The following CWC27 variants were observed in gnomAD, a reference collection of about 807,000 sequenced individuals.
CWC27 encodes CWC27 spliceosome associated cyclophilin.
In CWC27, 47 loss-of-function variants were observed where a neutral mutation model predicts 63.6. The observed-to-expected ratio is 0.74, with a 90% CI of 0.58 to 0.94. CWC27 has a LOEUF of 0.94. Among genes scored for constraint, CWC27 ranks in the 40% least tolerant of loss-of-function variants. The pLI is 0.00. For missense variants in CWC27, 495 were observed against 554.3 expected (o/e 0.89, Z 1.07); for synonymous variants, 175 against 179.8 (o/e 0.97, Z 0.22).
At chr5:64,915,163 G>T (rs1747866314) in intron 11 of CWC27, among the ~76,000 whole-genome samples, 1 of 151,994 alleles carries the variant, frequency 6.6e-6, no homozygotes, top group Admixed American at 6.6e-5. Flanking sequence ...AAGAAAGTTT[G>T]TTTTTTTCCT....
chr5:64,936,148 T>C (rs1748348072), intron 11 of CWC27, among the ~76,000 whole-genome samples: 1 of 152,192 alleles, frequency 6.6e-6, no homozygotes, highest in Non-Finnish European at 1.5e-5. Flanking sequence ...TGAATAGGAA[T>C]GATGAGAGAG....
chr5:64,978,537 A>G (rs1224834291), intron 13 of CWC27, among the ~76,000 whole-genome samples: 1 of 151,826 alleles, frequency 6.6e-6, no homozygotes, highest in Non-Finnish European at 1.5e-5. Context: ...AGTTAAATGC[A>G]CATTGTATAG....
Position 64,780,020 on chromosome 5 carries a change from T to C in CWC27, c.140-1901T>C, listed in dbSNP as rs141963921. Among the ~76,000 whole-genome samples, 347 of 152,252 alleles carry C rather than the reference T, an allele frequency of 2.3e-3. 2 individuals are homozygous for C. Among genetic ancestry groups the C allele is most frequent in the Non-Finnish European group, 4.2e-3 (289 of 68,002 alleles). On this transcript the variant is annotated intron_variant, in intron 2 of 13. Transcript: ENST00000381070. ...CCTCTTTCCTTTATGAATTATCCAG[T>C]CTTGGGTATTTCTTCATAGCAGTGT...
At chr5:64,787,938 T>C (rs2112176027) in intron 6 of CWC27, among the ~76,000 whole-genome samples, 1 of 152,244 alleles carries the variant, frequency 6.6e-6, no homozygotes, top group African/African-American at 2.4e-5. Flanking sequence ...TGAGAAGAGG[T>C]ATGTTAAAAC....
intron 11 of CWC27, among the ~76,000 whole-genome samples, chr5:64,931,178 T>C (rs1169002453): frequency 6.6e-6 from 1 of 152,116 alleles, no homozygotes; most frequent in Non-Finnish European, 1.5e-5. Context: ...ATACTATAGT[T>C]ACTTAAGAGA....
intron 13 of CWC27, among the ~76,000 whole-genome samples, chr5:64,998,215 T>C (rs545266159): frequency 2.0e-5 from 3 of 152,170 alleles, no homozygotes; most frequent in Non-Finnish European, 2.9e-5. Flanking sequence ...TTGAGAGAGA[T>C]AGGGAGACAG....
chr5:64,908,231 T>C (rs566803156), intron 11 of CWC27, among the ~76,000 whole-genome samples: 1 of 152,234 alleles, frequency 6.6e-6, no homozygotes, highest in Non-Finnish European at 1.5e-5. Flanking sequence ...CTAATTTGAT[T>C]GCACTGTGGT....
intron 11 of CWC27, among the ~76,000 whole-genome samples, chr5:64,893,929 CTT>C (rs10548975): frequency 0.37 from 52,910 of 143,502 alleles, 10,105 homozygotes; most frequent in East Asian, 0.52. Flanking sequence ...CCAATCCCTC[CTT>C]TTTTTTTTTT....
At chr5:64,981,040 C>T (rs1442651124) in intron 13 of CWC27, among the ~76,000 whole-genome samples, 3 of 151,910 alleles carry the variant, frequency 2.0e-5, no homozygotes, top group Non-Finnish European at 4.4e-5. Context: ...TGCAGTGAGC[C>T]GAGCTCATGC....
In CWC27 at chr5:64,783,981, T is replaced by A; in HGVS notation, c.396+2T>A. 6.4e-7 allele frequency: 1 copy of A among 1,568,334 alleles called. No individual in the cohort carries two copies. The highest frequency in any genetic ancestry group is 8.6e-7 in the Non-Finnish European group (1 of 1,160,294). On this transcript the variant is annotated splice_donor_variant, in intron 4 of 13. Transcript: ENST00000381070. LOFTEE classifies it high-confidence loss of function. ...AATAAGCATACCATCTTTGGAAAGG[T>A]TAGTGTCCAGTGATTTTAAACCTGT...
intron 11 of CWC27, among the ~76,000 whole-genome samples, chr5:64,949,876 C>A (rs976808719): frequency 1.3e-5 from 2 of 151,960 alleles, no homozygotes; most frequent in Non-Finnish European, 2.9e-5. Flanking sequence ...TCAAACTTTT[C>A]TGCACATTAG....
intron 11 of CWC27, among the ~76,000 whole-genome samples, chr5:64,937,989 T>G (rs936942040): frequency 4.7e-5 from 7 of 148,132 alleles, no homozygotes; most frequent in Non-Finnish European, 3.0e-5. Flanking sequence ...ATTTTGAGCC[T>G]ATGTGTGTCT....
chr5:64,997,826 T>C (rs1208449121), intron 13 of CWC27, among the ~76,000 whole-genome samples: 1 of 152,128 alleles, frequency 6.6e-6, no homozygotes, highest in Admixed American at 6.6e-5. Context: ...CATAGAATTA[T>C]AAGCTCAGTG....
intron 10 of CWC27, among the ~76,000 whole-genome samples, chr5:64,827,004 T>C (rs1373656648): frequency 6.6e-6 from 1 of 152,196 alleles, no homozygotes; most frequent in Non-Finnish European, 1.5e-5. Flanking sequence ...CAAATTGTAG[T>C]AACCTAGGTT....
At chr5:64,854,545 A>G (rs547494198) in intron 10 of CWC27, among the ~76,000 whole-genome samples, 1 of 152,364 alleles carries the variant, frequency 6.6e-6, no homozygotes, top group African/African-American at 2.4e-5. Context: ...AAAACTATAC[A>G]TAACAGCTAC....
chr5:64,870,106 A>C (rs1341214778), intron 10 of CWC27, among the ~76,000 whole-genome samples: 1 of 152,104 alleles, frequency 6.6e-6, no homozygotes, highest in Non-Finnish European at 1.5e-5. Flanking sequence ...TGTAGTTCCC[A>C]AAATGTTGAA....
chr5:64,806,947 C>T lies in CWC27; in HGVS notation c.938+2561C>T, dbSNP rs737138. ...AAAATAAAACAACACAGGAAAGCTC[C>T]AAATGTACTGAAAAACTACAACGTG... On this transcript the variant is annotated intron_variant, in intron 10 of 13. Coordinates refer to ENST00000381070, the MANE Select transcript of CWC27 (RefSeq NM_005869.4). Among the ~76,000 whole-genome samples the T allele has an allele frequency of 9.7e-3, 1,476 of 152,214 alleles. 29 individuals are homozygous for T. The highest frequency in any genetic ancestry group is 0.034 in the African/African-American group (1,426 of 41,526).
chr5:64,836,090 A>G (rs1334718589), intron 10 of CWC27, among the ~76,000 whole-genome samples: 1 of 151,958 alleles, frequency 6.6e-6, no homozygotes, highest in Non-Finnish European at 1.5e-5. Flanking sequence ...TTATATTCAA[A>G]TAAGTAAAGT....
At chr5:64,966,879 T>C (rs1340660927) in intron 11 of CWC27, among the ~76,000 whole-genome samples, 2 of 149,754 alleles carry the variant, frequency 1.3e-5, no homozygotes. Context: ...TTTTCCATAA[T>C]AAAAATTTTT....
Sources: gnomAD v4.1 joint callset for allele counts (sites outside exome capture counted in the v4.1 genomes callset) on GRCh38, gnomAD v4.1.1 for gene constraint, MANE v1.5 for transcripts, NCBI Gene and HGNC (gene_info 2026-07-23, HGNC 2026-07-21) for gene names.